ABCD4: variants seen among roughly 807,000 people sequenced by gnomAD.
ABCD4 encodes lysosomal cobalamin transporter ABCD4.
Under a neutral mutation model 86.3 loss-of-function variants are expected in ABCD4, and 53 were observed. The ratio of observed to expected loss-of-function variants is 0.61; its 90% CI spans 0.49 to 0.77. The LOEUF is 0.77. Ranked by LOEUF, ABCD4 falls within the 30% of genes least tolerant of loss-of-function variation. ABCD4 has a pLI of 0.00. For missense variants in ABCD4, 757 were observed against 764.5 expected (o/e 0.99, Z 0.12); for synonymous variants, 328 against 313.6 (o/e 1.05, Z -0.49).
Position 74,295,371 on chromosome 14 carries a change from G to C in ABCD4, c.669-173C>G, listed in dbSNP as rs73309283. On this transcript the variant is annotated intron_variant, in intron 6 of 18. Transcript: ENST00000356924. ...TATGGGGTAGAAAACCCCAGGGCTA[G>C]GTGGTGTGGCAGGAGCTCTGCAGAG... Among the ~76,000 whole-genome samples, 1,560 of 152,334 alleles carry C rather than the reference G, an allele frequency of 0.01. 27 individuals are homozygous for C. Among genetic ancestry groups the C allele is most frequent in the African/African-American group, 0.036 (1,482 of 41,576 alleles).
At chr14:74,295,394 G>A (rs1450327396) in intron 6 of ABCD4, among the ~76,000 whole-genome samples, 196 bp from the exon 7 acceptor site, 1 of 152,224 alleles carries the variant, frequency 6.6e-6, no homozygotes, top group Non-Finnish European at 1.5e-5. Flanking sequence ...GAGCTCTGCA[G>A]AGACAGGGCT....
At chr14:74,289,426 A>G in intron 14 of ABCD4, 57 bp downstream of exon 14, 1 of 1,609,192 alleles carries the variant, frequency 6.2e-7, no homozygotes, top group South Asian at 1.1e-5. Flanking sequence ...ACAGTCAGGT[A>G]GAGCAGGGAC....
At chr14:74,293,450 A>G (rs1449638021) in intron 7 of ABCD4, 8 of 498,476 alleles carry the variant, frequency 1.6e-5, no homozygotes, top group Non-Finnish European at 2.5e-5. Context: ...TAAACTCTAG[A>G]GTTGGGCAGA....
At chr14:74,292,137 T>C in intron 11 of ABCD4, 150 bp downstream of exon 11, 2 of 745,736 alleles carry the variant, frequency 2.7e-6, no homozygotes, top group African/African-American at 1.7e-5. Context: ...CAACATCGAC[T>C]GTGAACTTAC....
chr14:74,292,502 A>C, intron 10 of ABCD4, 49 bp downstream of exon 10: 1 of 1,603,938 alleles, frequency 6.2e-7, no homozygotes, highest in Non-Finnish European at 8.5e-7. Context: ...CACTTCTGCC[A>C]GCAGCACACA....
chr14:74,301,305 G>A (rs2084437543), intron 1 of ABCD4, among the ~76,000 whole-genome samples: 1 of 151,828 alleles, frequency 6.6e-6, no homozygotes, highest in Admixed American at 6.6e-5. Flanking sequence ...GAGTACGGGC[G>A]TGCGTCAACA....
intron 11 of ABCD4, among the ~76,000 whole-genome samples, chr14:74,290,977 G>A (rs2081345492): frequency 6.6e-6 from 1 of 152,124 alleles, no homozygotes; most frequent in South Asian, 2.1e-4. Context: ...CCAGCTGGAG[G>A]CAGGGTCTTT....
At chr14:74,301,143 C>T (rs1211583493) in intron 1 of ABCD4, among the ~76,000 whole-genome samples, 4 of 149,524 alleles carry the variant, frequency 2.7e-5, no homozygotes, top group African/African-American at 7.4e-5. Context: ...CGTGAGCCAC[C>T]GCGCCTGGCC....
In ABCD4 at chr14:74,302,744, C is replaced by T. The variant is rs916821066; in HGVS notation, c.38+131G>A. On this transcript the variant is annotated intron_variant, in intron 1 of 18. Transcript: ENST00000356924. The stretch of plus-strand genomic sequence containing the variant: ...GGCGGACGCCCCTTCGAGAGCTCCT[C>T]TTTCTCTCAGAAGTCACGGGGGCGA... The T allele has an allele frequency of 3.5e-5, 39 of 1,123,146 alleles. No individual in the cohort carries two copies. The African/African-American group carries it at 5.6e-4, about 16-fold the overall frequency. The allele number at this position is 1,123,146 out of a possible 1,614,324, so 69.6% of individuals were successfully genotyped here. A position where few individuals can be genotyped will look rare whatever the true frequency, so the allele number is the denominator to read the frequency against.
Position 74,293,199 on chromosome 14 carries a change from G to C in ABCD4, c.769C>G (p.Leu257Val), listed in dbSNP as rs1028566673. The change falls in exon 8 of 19, where the codon CTT becomes GTT. Residue 257 changes from leucine to valine, a missense_variant. Leu to Val is a conservative substitution (Grantham distance 32). Coordinates refer to ENST00000356924, the MANE Select transcript of ABCD4 (RefSeq NM_005050.4). The stretch of plus-strand genomic sequence containing the variant: ...GACATCAGCTCCCTCTGGGTCTGAA[G>C]GAGTCTCTGCAGCCTGCGGTCTGTC... ...MRTDRRLQRL[L>V]QTQRELMSKE... The C allele has an allele frequency of 6.2e-7, 1 of 1,614,182 alleles. No individual in the cohort carries two copies. Among genetic ancestry groups the C allele is most frequent in the Non-Finnish European group, 8.5e-7 (1 of 1,180,022 alleles).
chr14:74,297,717 A>C (rs1595030821), intron 4 of ABCD4: 5 of 1,281,842 alleles, frequency 3.9e-6, no homozygotes, highest in Non-Finnish European at 4.9e-6. Flanking sequence ...ATGCCACTGC[A>C]CCTGGCAGGC....
At position 74,302,901 on chromosome 14, in the gene ABCD4, CG is replaced by C. The variant is rs2085084887; in HGVS notation, c.11del (p.Ala4GlyfsTer13). 6.2e-7 allele frequency: 1 copy of C among 1,607,280 alleles called. No homozygotes were observed. The highest frequency in any genetic ancestry group is 1.7e-5 in the Admixed American group (1 of 59,238). On this transcript the variant is annotated frameshift_variant, in exon 1 of 19. Coordinates refer to ENST00000356924, the MANE Select transcript of ABCD4 (RefSeq NM_005050.4). LOFTEE classifies it high-confidence loss of function. MAV[A>X]GPAPGAGARP... ...TGGCGCCAGCTCCGGGCGCGGGCCCCGCGACCGCCATGACCTGAGACCCGAG... is the reference window on the plus strand; with the variant it reads ...TGGCGCCAGCTCCGGGCGCGGGCCCCCGACCGCCATGACCTGAGACCCGAG...
intron 2 of ABCD4, 99 bp from the exon 3 acceptor site, chr14:74,299,774 A>C (rs1857449178): frequency 7.6e-7 from 1 of 1,309,168 alleles, no homozygotes. Context: ...CAAAGAGATG[A>C]AAAGGGGCCG....
chr14:74,298,498 C>A (rs1278192043), intron 3 of ABCD4, among the ~76,000 whole-genome samples: 1 of 152,080 alleles, frequency 6.6e-6, no homozygotes, highest in Non-Finnish European at 1.5e-5. Context: ...CTGGAACTCC[C>A]GACCTCAGGT....
chr14:74,295,620 T>A, intron 6 of ABCD4: 1 of 588,196 alleles, frequency 1.7e-6, no homozygotes, highest in South Asian at 2.3e-5. Flanking sequence ...CAGACACGGT[T>A]CTCAGACCTT....
Position 74,299,626 on chromosome 14 carries a change from C to T in ABCD4, c.207G>A (p.Gly69=), listed in dbSNP as rs1018009559. 1 of 1,613,816 alleles carries T rather than the reference C, an allele frequency of 6.2e-7. No homozygotes were observed. Among genetic ancestry groups the T allele is most frequent in the Non-Finnish European group, 8.5e-7 (1 of 1,179,864 alleles). The change falls in exon 3 of 19, where the codon GGG becomes GGA. Residue 69 remains glycine, a synonymous_variant. Coordinates refer to ENST00000356924, the MANE Select transcript of ABCD4 (RefSeq NM_005050.4). ...QVGLIPSQYY[G]VLGNKDLEGF... ...CTTCCAAGTCTTTGTTTCCCAGGAC[C>T]CCATAGTACTGACTGGGGATCAAGC...
chr14:74,292,533 G>A lies in ABCD4; in HGVS notation c.1028+18C>T. ...ACACACTTTGCTCAGGAGCCAGAGG[G>A]GTGGGACACGGCCTCACCTGTGCGT... is the stretch of plus-strand genomic sequence containing the variant. On this transcript the variant is annotated intron_variant, in intron 10 of 18. Coordinates refer to ENST00000356924, the MANE Select transcript of ABCD4 (RefSeq NM_005050.4). The A allele has an allele frequency of 1.9e-6, 3 of 1,613,056 alleles. No individual in the cohort carries two copies. The highest frequency in any genetic ancestry group is 1.3e-5 in the African/African-American group (1 of 75,034).
chr14:74,300,086 A>G (rs78096501), intron 2 of ABCD4, 64 bp downstream of exon 2: 1 of 782,948 alleles, frequency 1.3e-6, no homozygotes, highest in South Asian at 1.8e-5. Flanking sequence ...AAAAAAAAAA[A>G]AGATGGAAAG....
rs755088544 is a variant in ABCD4, at chr14:74,292,586, G to A, written c.993C>T (p.Ser331=). The change falls in exon 10 of 19, where the codon TCC becomes TCT. Residue 331 remains serine (S), a synonymous_variant. Coordinates refer to ENST00000356924, the MANE Select transcript of ABCD4 (RefSeq NM_005050.4). ...AGCCAGCCACATCTGAGAGCGTCGTGGACAGGTCGATGAGCTGGGTGAAGC... is the reference window on the plus strand; with the variant it reads ...AGCCAGCCACATCTGAGAGCGTCGTAGACAGGTCGATGAGCTGGGTGAAGC... ...ISCFTQLIDL[S]TTLSDVAGYT... is the part of the protein sequence containing the mutation. The A allele has an allele frequency of 6.2e-7, 1 of 1,614,034 alleles. No individual in the cohort carries two copies. The highest frequency in any genetic ancestry group is 1.1e-5 in the South Asian group (1 of 91,062).
Sources: gnomAD v4.1 joint callset for allele counts (sites outside exome capture counted in the v4.1 genomes callset) on GRCh38, gnomAD v4.1.1 for gene constraint, MANE v1.5 for transcripts, NCBI Gene and HGNC (gene_info 2026-07-23, HGNC 2026-07-21) for gene names.